The following FGF10 variants were observed in gnomAD, a reference collection of about 807,000 sequenced individuals.
FGF10 encodes the protein fibroblast growth factor 10.
A neutral mutation model predicts 19.8 loss-of-function variants in FGF10; 2 were observed. The ratio of observed to expected loss-of-function variants is 0.10; its 90% CI spans 0.04 to 0.32. The LOEUF is 0.32. Ranked by LOEUF, FGF10 falls within the 10% of genes least tolerant of loss-of-function variation. The pLI is 1.00. For synonymous variants in FGF10, 112 were observed against 94.0 expected (o/e 1.19, Z -1.10); for missense variants, 191 against 246.3 (o/e 0.78, Z 1.50).
In FGF10 at chr5:44,302,230, T is replaced by C. The variant is rs1268131032; in HGVS notation, c.*2765A>G. On this transcript the variant is annotated 3_prime_UTR_variant, in exon 3 of 3. Transcript: ENST00000264664. ...TCATTACTCCTTACCAAACAATCTT[T>C]CTTTCTCTCTCCTTCCTTCCCTCCC... 1.3e-5 allele frequency among the ~76,000 whole-genome samples: 2 copies of C among 151,508 alleles called. No individual in the cohort carries two copies. Among genetic ancestry groups the C allele is most frequent in the African/African-American group, 2.4e-5 (1 of 41,366 alleles).
intron 1 of FGF10, among the ~76,000 whole-genome samples, chr5:44,364,331 T>C (rs1417248016): frequency 6.6e-6 from 1 of 151,844 alleles, no homozygotes; most frequent in East Asian, 1.9e-4. Flanking sequence ...AACAGGAAGA[T>C]GCACATCTTA....
chr5:44,338,455 CG>C (rs1194258077), intron 1 of FGF10, among the ~76,000 whole-genome samples: 1 of 152,016 alleles, frequency 6.6e-6, no homozygotes, highest in African/African-American at 2.4e-5. Context: ...CTGCAGTGAC[CG>C]GAGGTCTTCT....
intron 1 of FGF10, among the ~76,000 whole-genome samples, chr5:44,358,176 A>T (rs1741392984): frequency 6.6e-6 from 1 of 151,514 alleles, no homozygotes; most frequent in African/African-American, 2.4e-5. Context: ...AACAGATAAG[A>T]TACGACATAC....
intron 2 of FGF10, among the ~76,000 whole-genome samples, chr5:44,306,718 A>G (rs2111673251): frequency 6.6e-6 from 1 of 152,360 alleles, no homozygotes; most frequent in Middle Eastern, 3.4e-3. Context: ...TGTTAATGCT[A>G]CCAGCTCAAG....
At chr5:44,348,601 G>A (rs1011111441) in intron 1 of FGF10, among the ~76,000 whole-genome samples, 4 of 151,364 alleles carry the variant, frequency 2.6e-5, no homozygotes, top group Non-Finnish European at 4.4e-5. Context: ...GTTCTTAGGA[G>A]CAGGTTCCTA....
At chr5:44,341,117 C>T (rs1396999276) in intron 1 of FGF10, among the ~76,000 whole-genome samples, 1 of 151,934 alleles carries the variant, frequency 6.6e-6, no homozygotes, top group Non-Finnish European at 1.5e-5. Flanking sequence ...TAAAAGTTTG[C>T]ATATGAGTTC....
intron 1 of FGF10, among the ~76,000 whole-genome samples, chr5:44,316,229 A>T (rs1023003118): frequency 1.3e-5 from 2 of 152,116 alleles, no homozygotes; most frequent in African/African-American, 4.8e-5. Flanking sequence ...CCATCTCCTC[A>T]TTCCCTTTCG....
intron 1 of FGF10, among the ~76,000 whole-genome samples, chr5:44,315,115 A>T (rs1740306304): frequency 6.6e-6 from 1 of 151,540 alleles, no homozygotes; most frequent in South Asian, 2.1e-4. Flanking sequence ...GGCAAACAAG[A>T]TGTGGTCCTT....
chr5:44,370,422 C>T (rs944927867), intron 1 of FGF10, among the ~76,000 whole-genome samples: 1 of 152,052 alleles, frequency 6.6e-6, no homozygotes, highest in Non-Finnish European at 1.5e-5. Flanking sequence ...AGAATTGATC[C>T]TCATGTGCTC....
chr5:44,345,460 C>T (rs962029164), intron 1 of FGF10, among the ~76,000 whole-genome samples: 4 of 151,804 alleles, frequency 2.6e-5, no homozygotes, highest in African/African-American at 9.7e-5. Flanking sequence ...TCATCAATAT[C>T]TGACAATGTA....
At chr5:44,327,932 C>T (rs1024134593) in intron 1 of FGF10, among the ~76,000 whole-genome samples, 5 of 152,198 alleles carry the variant, frequency 3.3e-5, no homozygotes, top group Non-Finnish European at 5.9e-5. Flanking sequence ...ATTGCATAGG[C>T]TTGTGGCCAG....
chr5:44,333,500 C>G (rs1294529975), intron 1 of FGF10, among the ~76,000 whole-genome samples: 1 of 152,106 alleles, frequency 6.6e-6, no homozygotes, highest in Non-Finnish European at 1.5e-5. Context: ...ATAGTCATCC[C>G]ATTTATGGAG....
At chr5:44,359,234 A>T (rs2111847850) in intron 1 of FGF10, among the ~76,000 whole-genome samples, 1 of 151,650 alleles carries the variant, frequency 6.6e-6, no homozygotes, top group African/African-American at 2.4e-5. Context: ...TAATGCTATT[A>T]ACTTGCATAT....
chr5:44,335,105 A>G (rs1740817633), intron 1 of FGF10, among the ~76,000 whole-genome samples: 1 of 152,142 alleles, frequency 6.6e-6, no homozygotes, highest in African/African-American at 2.4e-5. Flanking sequence ...ACAGGAACAT[A>G]TAAATCTGAA....
chr5:44,307,416 A>G (rs1275008643), intron 2 of FGF10, among the ~76,000 whole-genome samples: 1 of 152,196 alleles, frequency 6.6e-6, no homozygotes, highest in Admixed American at 6.5e-5. Context: ...ATCATGCTCT[A>G]TGAAGACCTA....
chr5:44,379,785 G>A (rs544460489), intron 1 of FGF10, among the ~76,000 whole-genome samples: 62 of 152,212 alleles, frequency 4.1e-4, no homozygotes, highest in African/African-American at 1.4e-3. Context: ...TCTCTTTCCT[G>A]AGAGTTCAAA....
rs932802534 is a variant in FGF10 at position 44,304,581 on chromosome 5, A to G, written c.*414T>C. ...ATGTATTACTGTTCATTGATTCATT[A>G]GGCTTGAATGAGCAATGAAGTCTTT... On this transcript the variant is annotated 3_prime_UTR_variant, in exon 3 of 3. Transcript: ENST00000264664. 9.1e-6 allele frequency: 2 copies of G among 219,608 alleles called. No homozygotes were observed. Among genetic ancestry groups the G allele is most frequent in the African/African-American group, 4.7e-5 (2 of 42,940 alleles). The allele number at this position is 219,608 out of a possible 1,614,324, so 13.6% of individuals were successfully genotyped here.
At chr5:44,355,074 G>C (rs1741316702) in intron 1 of FGF10, among the ~76,000 whole-genome samples, 1 of 151,438 alleles carries the variant, frequency 6.6e-6, no homozygotes, top group Admixed American at 6.6e-5. Context: ...TGTGCACATA[G>C]TGTATAGAAC....
chr5:44,330,650 T>C (rs544527645), intron 1 of FGF10, among the ~76,000 whole-genome samples: 36 of 152,288 alleles, frequency 2.4e-4, no homozygotes, highest in Non-Finnish European at 3.7e-4. Context: ...AATGGTAACA[T>C]TACTTTCCTA....
Sources: allele counts gnomAD v4.1 joint callset (sites outside exome capture counted in the v4.1 genomes callset), GRCh38; gene constraint gnomAD v4.1.1; transcripts MANE v1.5; gene names NCBI Gene and HGNC (gene_info 2026-07-23, HGNC 2026-07-21).